GSK3B: variants seen among roughly 807,000 people sequenced by gnomAD.
The protein encoded by GSK3B is glycogen synthase kinase 3 beta.
GSK3B carries 15 observed loss-of-function variants against 56.4 expected under a neutral mutation model. The observed-to-expected ratio is 0.27, with a 90% CI of 0.18 to 0.41. The LOEUF (loss-of-function observed/expected upper bound fraction) is 0.41. GSK3B is among the 10% of genes least tolerant of loss of function. The probability of loss-of-function intolerance (pLI) is 1.00; values close to 1 mark genes in which losing one functional copy is unlikely to be tolerated. For missense variants in GSK3B, 300 were observed against 513.4 expected, an observed-to-expected ratio of 0.58 and a Z score of 4.02; for synonymous variants, 181 against 188.9, an observed-to-expected ratio of 0.96 and a Z score of 0.34.
chr3:120,015,668 A>C (rs1002213948), intron 1 of GSK3B, among the ~76,000 whole-genome samples: 5 of 150,282 alleles, frequency 3.3e-5, no homozygotes, highest in East Asian at 1.9e-4. Flanking sequence ...AAAAAAAAAA[A>C]AAAAAAAAAA....
At chr3:120,051,450 A>G (rs1361033901) in intron 1 of GSK3B, among the ~76,000 whole-genome samples, 1 of 152,168 alleles carries the variant, frequency 6.6e-6, no homozygotes, top group African/African-American at 2.4e-5. Flanking sequence ...AGGTTTTTTA[A>G]AAGTACACAA....
intron 3 of GSK3B, among the ~76,000 whole-genome samples, chr3:119,944,433 T>C (rs2057080404): frequency 6.6e-6 from 1 of 152,202 alleles, no homozygotes; most frequent in Admixed American, 6.5e-5. Context: ...GGGTTCTTTT[T>C]ACCGTTTTGC....
chr3:120,026,568 CT>C (rs1221060200), intron 1 of GSK3B, among the ~76,000 whole-genome samples: 42 of 144,232 alleles, frequency 2.9e-4, no homozygotes, highest in Non-Finnish European at 4.0e-4. Context: ...CACACACACT[CT>C]TTTTTTTTTT....
chr3:119,923,902 T>C (rs978297095), intron 3 of GSK3B, among the ~76,000 whole-genome samples: 115 of 152,326 alleles, frequency 7.5e-4, no homozygotes, highest in Middle Eastern at 3.4e-3. Context: ...GCCCTAGCTC[T>C]GCTAGTTGGT....
At chr3:120,010,683 TG>T (rs1299202779) in intron 1 of GSK3B, among the ~76,000 whole-genome samples, 2 of 152,210 alleles carry the variant, frequency 1.3e-5, no homozygotes, top group Non-Finnish European at 2.9e-5. Context: ...CTGAGTGTGG[TG>T]GCACATGCCT....
At chr3:120,040,326 A>G (rs4687890) in intron 1 of GSK3B, among the ~76,000 whole-genome samples, 79,960 of 152,024 alleles carry the variant, frequency 0.53, 24,352 homozygotes, top group African/African-American at 0.85. Context: ...TCCTGTCAGG[A>G]GTTTATACTG....
intron 2 of GSK3B, among the ~76,000 whole-genome samples, chr3:119,968,207 G>C (rs1217136931): frequency 1.6e-4 from 24 of 151,582 alleles, no homozygotes; most frequent in Admixed American, 1.6e-3. Context: ...TGTTGCCCAG[G>C]GTGGTCTCAA....
At chr3:120,032,445 A>C (rs1006967343) in intron 1 of GSK3B, among the ~76,000 whole-genome samples, 2 of 151,998 alleles carry the variant, frequency 1.3e-5, no homozygotes, top group Non-Finnish European at 2.9e-5. Flanking sequence ...ACTGCACTCC[A>C]GCCTGGGCAA....
At chr3:119,946,553 G>T (rs1436102447) in intron 3 of GSK3B, among the ~76,000 whole-genome samples, 1 of 152,100 alleles carries the variant, frequency 6.6e-6, no homozygotes, top group Non-Finnish European at 1.5e-5. Flanking sequence ...CCCTGCGTAT[G>T]CACTCCAAAC....
In GSK3B at chr3:120,007,007, T is replaced by C. The variant is rs540619842; in HGVS notation, c.89-4768A>G. Reference sequence around the variant, plus strand: ...CTGATTTTTTGAAAGATCAACAAAATAGACCATTAGCAACACTAATAAAGA... The same window carrying C: ...CTGATTTTTTGAAAGATCAACAAAACAGACCATTAGCAACACTAATAAAGA... On this transcript the variant is annotated intron_variant, in intron 1 of 10. Coordinates refer to ENST00000264235, the MANE Select transcript of GSK3B (RefSeq NM_001146156.2). 1.1e-4 allele frequency among the ~76,000 whole-genome samples: 16 copies of C among 148,214 alleles called. No individual in the cohort carries two copies. The East Asian group carries it at 3.0e-3, about 27-fold the overall frequency.
At chr3:120,054,559 C>T (rs1453441835) in intron 1 of GSK3B, among the ~76,000 whole-genome samples, 1 of 152,204 alleles carries the variant, frequency 6.6e-6, no homozygotes, top group Non-Finnish European at 1.5e-5. Context: ...TTCAACACAA[C>T]CTGACCCTTT....
At chr3:120,060,466 C>T (rs2058227125) in intron 1 of GSK3B, among the ~76,000 whole-genome samples, 1 of 151,950 alleles carries the variant, frequency 6.6e-6, no homozygotes, top group Non-Finnish European at 1.5e-5. Flanking sequence ...AGTGGCTCAC[C>T]CCTGTAATCT....
At chr3:119,846,376 T>C (rs1412919462) in intron 9 of GSK3B, among the ~76,000 whole-genome samples, 1 of 151,656 alleles carries the variant, frequency 6.6e-6, no homozygotes, top group Non-Finnish European at 1.5e-5. Context: ...ATAAGAAAAA[T>C]TTTTGCCATC....
At chr3:120,027,887 GC>G (rs1422030080) in intron 1 of GSK3B, among the ~76,000 whole-genome samples, 2 of 152,022 alleles carry the variant, frequency 1.3e-5, no homozygotes, top group Non-Finnish European at 2.9e-5. Context: ...AGATAAATTT[GC>G]TTAAAGTTCT....
intron 1 of GSK3B, among the ~76,000 whole-genome samples, chr3:120,031,739 T>C (rs1386849678): frequency 6.6e-6 from 1 of 152,256 alleles, no homozygotes; most frequent in African/African-American, 2.4e-5. Flanking sequence ...CACTACTTCT[T>C]AAGCAACCAG....
chr3:119,976,765 CA>C (rs563133631), intron 2 of GSK3B, among the ~76,000 whole-genome samples: 6,230 of 83,124 alleles, frequency 0.075, 115 homozygotes, highest in Admixed American at 0.13. Context: ...CCACTCCCCA[CA>C]AAAAAAAAAA....
chr3:120,011,165 T>C (rs1017888758), intron 1 of GSK3B, among the ~76,000 whole-genome samples: 1 of 152,204 alleles, frequency 6.6e-6, no homozygotes, highest in Admixed American at 6.5e-5. Context: ...AAATTATGTT[T>C]TTCTACTGCA....
At chr3:119,850,844 C>T (rs538430124) in intron 9 of GSK3B, among the ~76,000 whole-genome samples, 1 of 151,920 alleles carries the variant, frequency 6.6e-6, no homozygotes, top group South Asian at 2.1e-4. Flanking sequence ...GATATGTGTG[C>T]TAAGCTTGAG....
At chr3:119,980,723 A>C (rs2057452689) in intron 2 of GSK3B, among the ~76,000 whole-genome samples, 1 of 152,198 alleles carries the variant, frequency 6.6e-6, no homozygotes, top group East Asian at 1.9e-4. Flanking sequence ...TAAACTATTT[A>C]GTAAAATATC....
Sources: gnomAD v4.1 joint callset for allele counts (sites outside exome capture counted in the v4.1 genomes callset) on GRCh38, gnomAD v4.1.1 for gene constraint, MANE v1.5 for transcripts, NCBI Gene and HGNC (gene_info 2026-07-23, HGNC 2026-07-21) for gene names.